Variants in TGFB2 observed in about 807,000 individuals in gnomAD.
TGFB2 encodes transforming growth factor beta-2 proprotein.
Under a neutral mutation model 42.7 loss-of-function variants are expected in TGFB2, and 13 were observed. The observed-to-expected ratio is 0.30, with a 90% CI of 0.20 to 0.48. The LOEUF is 0.48. TGFB2 is among the 20% of genes least tolerant of loss of function. TGFB2 has a pLI of 0.99. For synonymous variants in TGFB2, 193 were observed against 193.6 expected (o/e 1.00, Z 0.03); for missense variants, 390 against 517.5 (o/e 0.75, Z 2.39).
chr1:218,429,105 C>T (rs571282928), intron 2 of TGFB2, among the ~76,000 whole-genome samples: 9 of 151,898 alleles, frequency 5.9e-5, no homozygotes, highest in African/African-American at 1.2e-4. Context: ...CTCAGTCTCC[C>T]GAGTAGCTGG....
chr1:218,444,192 C>A lies in TGFB2; in HGVS notation c.*2830C>A, dbSNP rs1371285807. On this transcript the variant is annotated 3_prime_UTR_variant, in exon 7 of 7. Transcript: ENST00000366930. ...CATATCCATCAAGGATAGAAGAAAT[C>A]CCTGTGCCGTCTTTTTATTCCCTTA... 6.6e-6 allele frequency: 1 copy of A among 152,138 alleles called. No homozygotes were observed. 9.4% of individuals were successfully genotyped at this position (152,138 alleles called of 1,614,324 possible).
chr1:218,356,799 T>G (rs1205623985), intron 1 of TGFB2, among the ~76,000 whole-genome samples: 1 of 152,318 alleles, frequency 6.6e-6, no homozygotes, highest in East Asian at 1.9e-4. Flanking sequence ...GCTGTGGTTA[T>G]ACTCATGTAG....
At chr1:218,433,361 G>C (rs1659869980) in intron 2 of TGFB2, among the ~76,000 whole-genome samples, 1 of 152,162 alleles carries the variant, frequency 6.6e-6, no homozygotes, top group Non-Finnish European at 1.5e-5. Flanking sequence ...ACCACGCCCA[G>C]CCTGAGATAA....
intron 1 of TGFB2, among the ~76,000 whole-genome samples, chr1:218,348,968 C>G (rs1399857425): frequency 6.6e-6 from 1 of 152,192 alleles, no homozygotes; most frequent in East Asian, 1.9e-4. Flanking sequence ...AAGCACACTT[C>G]AGTCTGAAGA....
At chr1:218,367,632 T>A (rs1218664506) in intron 1 of TGFB2, among the ~76,000 whole-genome samples, 1 of 152,202 alleles carries the variant, frequency 6.6e-6, no homozygotes, top group Non-Finnish European at 1.5e-5. Flanking sequence ...AATAATCTGA[T>A]TGAAGTGTGA....
intron 2 of TGFB2, among the ~76,000 whole-genome samples, chr1:218,413,420 G>C (rs1249623949): frequency 6.6e-6 from 1 of 152,156 alleles, no homozygotes; most frequent in Non-Finnish European, 1.5e-5. Context: ...AGAGAAATGT[G>C]CTGAGGTGAA....
At chr1:218,392,302 G>C (rs369054142) in intron 1 of TGFB2, among the ~76,000 whole-genome samples, 21 of 152,264 alleles carry the variant, frequency 1.4e-4, no homozygotes, top group East Asian at 1.2e-3. Context: ...GCAGTGAGCC[G>C]AGATCATGCC....
At chr1:218,433,189 C>A (rs1659864575) in intron 2 of TGFB2, among the ~76,000 whole-genome samples, 1 of 152,118 alleles carries the variant, frequency 6.6e-6, no homozygotes, top group African/African-American at 2.4e-5. Context: ...CTGCTTCAGC[C>A]TCCCGAGTAG....
intron 1 of TGFB2, among the ~76,000 whole-genome samples, chr1:218,399,229 C>G (rs1338947808): frequency 6.6e-6 from 1 of 152,150 alleles, no homozygotes; most frequent in Non-Finnish European, 1.5e-5. Context: ...AAAAATAGTA[C>G]AGAGAGTTCC....
chr1:218,350,380 G>A (rs940588624), intron 1 of TGFB2, among the ~76,000 whole-genome samples: 1 of 152,032 alleles, frequency 6.6e-6, no homozygotes, highest in Non-Finnish European at 1.5e-5. Flanking sequence ...GAGGTGGAGG[G>A]GTGCTACCGG....
At chr1:218,430,905 G>A (rs1403698067) in intron 2 of TGFB2, among the ~76,000 whole-genome samples, 1 of 152,166 alleles carries the variant, frequency 6.6e-6, no homozygotes, top group Non-Finnish European at 1.5e-5. Context: ...TTTAGAGAAA[G>A]CAAGCAAGCA....
At position 218,345,990 on chromosome 1, in the gene TGFB2, C is replaced by A. The variant is rs1194065236; in HGVS notation, c.-712C>A. On this transcript the variant is annotated 5_prime_UTR_variant, in exon 1 of 7. Coordinates refer to ENST00000366930, the MANE Select transcript of TGFB2 (RefSeq NM_003238.6). ...GCCCCTGCGGCACCCGACCGAGTAC[C>A]GAGCGCCCTGCGAAGCGCACCCTCC... 6.6e-6 allele frequency among the ~76,000 whole-genome samples: 1 copy of A among 151,712 alleles called. No homozygotes were observed. The highest frequency in any genetic ancestry group is 2.4e-5 in the African/African-American group (1 of 41,304).
chr1:218,412,790 A>G (rs2796822), intron 2 of TGFB2, among the ~76,000 whole-genome samples: 87,047 of 152,022 alleles, frequency 0.57, 28,139 homozygotes, highest in African/African-American at 0.88. Flanking sequence ...GCTCTCTCCT[A>G]AGTTACCTGT....
chr1:218,424,860 C>T (rs555235811), intron 2 of TGFB2, among the ~76,000 whole-genome samples: 4 of 152,320 alleles, frequency 2.6e-5, no homozygotes, highest in African/African-American at 9.6e-5. Context: ...TAGCTACTCC[C>T]CTCTTCACAT....
Position 218,346,050 on chromosome 1 carries a change from G to GCACACACACACA in TGFB2, c.-647_-646insACACACACACAC, listed in dbSNP as rs1558219203. Among the ~76,000 whole-genome samples, 1 of 138,042 alleles carries GCACACACACACA rather than the reference G, an allele frequency of 7.2e-6. No homozygotes were observed. Among genetic ancestry groups the GCACACACACACA allele is most frequent in the African/African-American group, 3.1e-5 (1 of 32,536 alleles). The allele number at this position is 138,042 out of a possible 152,430, so 90.6% of individuals were successfully genotyped here. On this transcript the variant is annotated 5_prime_UTR_variant, in exon 1 of 7. Coordinates refer to ENST00000366930, the MANE Select transcript of TGFB2 (RefSeq NM_003238.6). This position sits in a 1 kb window ranked among gnomAD's most constrained non-coding sequence, Gnocchi z 4.9. The stretch of plus-strand genomic sequence containing the variant: ...TGCGCTGGGCTCGCCCCCAGCGCGC[G>GCACACACACACA]CACACGCACACACACACACACACAC...
chr1:218,378,805 G>C (rs1277873318), intron 1 of TGFB2, among the ~76,000 whole-genome samples: 1 of 151,878 alleles, frequency 6.6e-6, no homozygotes, highest in Non-Finnish European at 1.5e-5. Flanking sequence ...GGGACCTGAG[G>C]AAACAATATG....
At chr1:218,392,588 A>C (rs1658350602) in intron 1 of TGFB2, among the ~76,000 whole-genome samples, 1 of 152,170 alleles carries the variant, frequency 6.6e-6, no homozygotes, top group Admixed American at 6.5e-5. Context: ...AAGGGTTCTG[A>C]GAGAAACTGT....
chr1:218,405,750 T>G (rs746569988), intron 2 of TGFB2, among the ~76,000 whole-genome samples: 5 of 152,290 alleles, frequency 3.3e-5, no homozygotes, highest in Admixed American at 6.5e-5. Flanking sequence ...TTAGCTGATA[T>G]AAGCCATGCT....
At chr1:218,412,208 C>T (rs1214922622) in intron 2 of TGFB2, among the ~76,000 whole-genome samples, 1 of 152,200 alleles carries the variant, frequency 6.6e-6, no homozygotes, top group Non-Finnish European at 1.5e-5. Flanking sequence ...TATGAATAAA[C>T]ATATACCCAA....
Sources: gnomAD v4.1 joint callset for allele counts (sites outside exome capture counted in the v4.1 genomes callset) on GRCh38, gnomAD v4.1.1 for gene constraint, Gnocchi (gnomAD v3.1) non-coding constraint, MANE v1.5 for transcripts, NCBI Gene and HGNC (gene_info 2026-07-23, HGNC 2026-07-21) for gene names.